Variants in ATP10B observed in about 807,000 individuals in gnomAD.
ATP10B encodes phospholipid-transporting ATPase VB.
In ATP10B, 122 loss-of-function variants were observed where a neutral mutation model predicts 141.2. The ratio of observed to expected loss-of-function variants is 0.86; its 90% CI spans 0.75 to 1.00. The LOEUF (loss-of-function observed/expected upper bound fraction) is 1.00, where lower values mean the gene tolerates loss of function less well. ATP10B is among the 50% of genes least tolerant of loss of function. The probability of loss-of-function intolerance (pLI) is 0.00; values close to 1 mark genes in which losing one functional copy is unlikely to be tolerated. For missense variants in ATP10B, 1,876 were observed against 1,825.3 expected (o/e 1.03, Z -0.51); for synonymous variants, 685 against 692.0 (o/e 0.99, Z 0.16).
chr5:160,917,529 G>A, the ATP10B span, among the ~76,000 whole-genome samples: 1 of 152,104 alleles, frequency 6.6e-6, no homozygotes, highest in East Asian at 1.9e-4. Flanking sequence ...CAATGTCAAT[G>A]GCAGAAAAAC....
intron 1 of ATP10B, among the ~76,000 whole-genome samples, chr5:160,825,482 T>C (rs545924907): frequency 6.6e-6 from 1 of 152,344 alleles, no homozygotes; most frequent in East Asian, 1.9e-4. Flanking sequence ...ACCAACATTG[T>C]GAGGCCTCCC....
chr5:160,628,718 T>C (rs945007045), intron 13 of ATP10B, among the ~76,000 whole-genome samples: 33 of 152,152 alleles, frequency 2.2e-4, no homozygotes, highest in Middle Eastern at 3.2e-3. Context: ...AAAAACATTC[T>C]GCAAGTGGCA....
intron 1 of ATP10B, among the ~76,000 whole-genome samples, chr5:160,824,568 C>A (rs1475678983): frequency 6.6e-6 from 1 of 152,140 alleles, no homozygotes; most frequent in Non-Finnish European, 1.5e-5. Flanking sequence ...CTTGTACAAA[C>A]CTAGATGGTG....
chr5:160,828,919 A>G (rs1774845313), intron 1 of ATP10B, among the ~76,000 whole-genome samples: 1 of 146,920 alleles, frequency 6.8e-6, no homozygotes, highest in Non-Finnish European at 1.5e-5. Context: ...GACATGGATG[A>G]AATTGGAAAT....
intron 24 of ATP10B, among the ~76,000 whole-genome samples, chr5:160,583,326 A>T (rs1463063529): frequency 6.6e-6 from 1 of 151,926 alleles, no homozygotes; most frequent in East Asian, 1.9e-4. Flanking sequence ...TTTCCTTCTA[A>T]CAGTCAGGCC....
chr5:160,702,111 C>T (rs1162056098), intron 3 of ATP10B, among the ~76,000 whole-genome samples: 5 of 152,184 alleles, frequency 3.3e-5, no homozygotes, highest in Non-Finnish European at 7.3e-5. Context: ...ACACCTCCTT[C>T]CTAGGTACAA....
chr5:160,735,190 C>G (rs1478401111), intron 2 of ATP10B, among the ~76,000 whole-genome samples: 3 of 149,794 alleles, frequency 2.0e-5, no homozygotes, highest in Non-Finnish European at 3.0e-5. Flanking sequence ...GGACTAAAAT[C>G]TCTAATCAAA....
At chr5:160,809,909 T>C (rs1773033279) in intron 1 of ATP10B, among the ~76,000 whole-genome samples, 1 of 152,240 alleles carries the variant, frequency 6.6e-6, no homozygotes, top group African/African-American at 2.4e-5. Flanking sequence ...GCTTCTTGGC[T>C]CTTTAGTGAC....
intron 3 of ATP10B, among the ~76,000 whole-genome samples, chr5:160,716,138 C>T (rs896065578): frequency 1.3e-5 from 2 of 152,002 alleles, no homozygotes; most frequent in Non-Finnish European, 2.9e-5. Flanking sequence ...TTAATTACGT[C>T]ATCATTCAGT....
intron 2 of ATP10B, among the ~76,000 whole-genome samples, chr5:160,784,615 A>C (rs920010635): frequency 2.0e-5 from 3 of 152,178 alleles, no homozygotes; most frequent in Non-Finnish European, 4.4e-5. Context: ...TTGGAGAAAC[A>C]GTCTGCATAT....
intron 6 of ATP10B, among the ~76,000 whole-genome samples, chr5:160,681,974 C>T (rs1561746731): frequency 6.6e-6 from 1 of 152,210 alleles, no homozygotes; most frequent in Non-Finnish European, 1.5e-5. Flanking sequence ...CCCACTTTGC[C>T]ATAGTCACCA....
chr5:160,652,663 T>C (rs1760836644), intron 7 of ATP10B, among the ~76,000 whole-genome samples: 1 of 133,384 alleles, frequency 7.5e-6, no homozygotes, highest in Non-Finnish European at 1.6e-5. Context: ...TATGTATATA[T>C]TATATATACA....
At chr5:160,683,078 A>G (rs1321031485) in intron 6 of ATP10B, among the ~76,000 whole-genome samples, 2 of 151,294 alleles carry the variant, frequency 1.3e-5, no homozygotes, top group East Asian at 1.9e-4. Context: ...GAAGAAGAAA[A>G]GAAAAAAAAG....
intron 3 of ATP10B, among the ~76,000 whole-genome samples, chr5:160,715,684 CTTGCT>C (rs1765586878): frequency 1.2e-5 from 1 of 80,014 alleles, no homozygotes; most frequent in African/African-American, 4.3e-5. Flanking sequence ...AAGAATTTAG[CTTGCT>C]TTATTTATTT....
intron 2 of ATP10B, among the ~76,000 whole-genome samples, chr5:160,755,066 T>C (rs1297725727): frequency 6.6e-6 from 1 of 152,186 alleles, no homozygotes; most frequent in East Asian, 1.9e-4. Context: ...ACTGGGTAAT[T>C]TATGAAGCAA....
In ATP10B at chr5:160,812,020, C is replaced by CACAGAGAGAGAGAGAGAG. The variant is rs1211580744; in HGVS notation, c.-575-26218_-575-26217insCTCTCTCTCTCTCTCTGT. On this transcript the variant is annotated intron_variant, in intron 1 of 25. Coordinates refer to ENST00000327245, the MANE Select transcript of ATP10B (RefSeq NM_025153.3). ...AGAGAGACAGAGACAGAGACAGAGA[C>CACAGAGAGAGAGAGAGAG]AGAGAGAGAGAGAGAGAGAGAGAGA... Among the ~76,000 whole-genome samples the CACAGAGAGAGAGAGAGAG allele has an allele frequency of 6.6e-3, 738 of 111,506 alleles. 18 individuals carry two copies. Among genetic ancestry groups the CACAGAGAGAGAGAGAGAG allele is most frequent in the Non-Finnish European group, 0.011 (534 of 49,458 alleles). The allele number at this position is 111,506 out of a possible 152,430, so 73.2% of individuals were successfully genotyped here. A position where few individuals can be genotyped will look rare whatever the true frequency, so the allele number is the denominator to read the frequency against.
At chr5:160,793,670 A>G (rs1581543001) in intron 1 of ATP10B, among the ~76,000 whole-genome samples, 2 of 152,324 alleles carry the variant, frequency 1.3e-5, no homozygotes, top group East Asian at 3.9e-4. Context: ...TATGGTATTT[A>G]TAAAGTCAAC....
chr5:160,869,901 G>A, the ATP10B span, among the ~76,000 whole-genome samples: 1 of 152,146 alleles, frequency 6.6e-6, no homozygotes, highest in Non-Finnish European at 1.5e-5. Flanking sequence ...GGTGCTCACA[G>A]TAAATAATGA....
chr5:160,874,052 C>A, the ATP10B span, among the ~76,000 whole-genome samples: 1 of 152,180 alleles, frequency 6.6e-6, no homozygotes, highest in Non-Finnish European at 1.5e-5. Flanking sequence ...GGAGGCCTGC[C>A]TGCCTCTGTA....
Sources: gnomAD v4.1 joint callset for allele counts (sites outside exome capture counted in the v4.1 genomes callset) on GRCh38, gnomAD v4.1.1 for gene constraint, MANE v1.5 for transcripts, NCBI Gene and HGNC (gene_info 2026-07-23, HGNC 2026-07-21) for gene names.